Variants in GTF2E2 observed in about 807,000 individuals in gnomAD.
The protein encoded by GTF2E2 is general transcription factor IIE subunit 2.
GTF2E2 carries 21 observed loss-of-function variants against 40.5 expected under a neutral mutation model. The ratio of observed to expected loss-of-function variants is 0.52; its 90% CI spans 0.37 to 0.75. The LOEUF (loss-of-function observed/expected upper bound fraction) is 0.75. Among genes scored for constraint, GTF2E2 ranks in the 30% least tolerant of loss-of-function variants. GTF2E2 has a pLI of 0.00. For synonymous variants in GTF2E2, 117 were observed against 121.6 expected (o/e 0.96, Z 0.25); for missense variants, 298 against 338.4 (o/e 0.88, Z 0.94).
At chr8:30,640,484 T>C (rs1299191998) in intron 2 of GTF2E2, among the ~76,000 whole-genome samples, 1 of 152,014 alleles carries the variant, frequency 6.6e-6, no homozygotes, top group East Asian at 1.9e-4. Flanking sequence ...AAAACACATA[T>C]GCTAAAAAAA....
chr8:30,588,984 T>G (rs1828760670), intron 6 of GTF2E2, among the ~76,000 whole-genome samples: 1 of 152,204 alleles, frequency 6.6e-6, no homozygotes, highest in Non-Finnish European at 1.5e-5. Context: ...CCGGGCACAG[T>G]GGCTCACGCC....
intron 3 of GTF2E2, among the ~76,000 whole-genome samples, chr8:30,631,489 C>T (rs922434291): frequency 1.3e-5 from 2 of 152,074 alleles, no homozygotes; most frequent in Non-Finnish European, 2.9e-5. Flanking sequence ...TATATAAAAG[C>T]TGTATAGAAA....
chr8:30,587,705 T>G (rs1357308548), intron 6 of GTF2E2, among the ~76,000 whole-genome samples: 1 of 151,522 alleles, frequency 6.6e-6, no homozygotes, highest in Non-Finnish European at 1.5e-5. Flanking sequence ...AAACCCCATC[T>G]CTACTAAAAA....
chr8:30,648,532 T>C (rs1802172735), intron 2 of GTF2E2, among the ~76,000 whole-genome samples: 1 of 152,222 alleles, frequency 6.6e-6, no homozygotes, highest in Admixed American at 6.5e-5. Context: ...AGGAAAGCAT[T>C]CACTTCAGAG....
chr8:30,655,269 G>C lies in GTF2E2; in HGVS notation c.-4-1667C>G, dbSNP rs553601068. Among the ~76,000 whole-genome samples, 17 of 151,990 alleles carry C rather than the reference G, an allele frequency of 1.1e-4. 1 individual carries two copies. Among genetic ancestry groups the C allele is most frequent in the African/African-American group, 4.1e-4 (17 of 41,444 alleles). The stretch of plus-strand genomic sequence containing the variant: ...GGTTTGAGGCAACTTCTATGTTGTG[G>C]TTGTTGTTTGTCTAGTTCTAAAATT... On this transcript the variant is annotated intron_variant, in intron 1 of 7. Coordinates refer to ENST00000355904, the MANE Select transcript of GTF2E2 (RefSeq NM_002095.6).
chr8:30,621,868 A>C (rs1801111128), intron 3 of GTF2E2, among the ~76,000 whole-genome samples: 1 of 152,050 alleles, frequency 6.6e-6, no homozygotes, highest in Non-Finnish European at 1.5e-5. Context: ...TACAGAACAA[A>C]AGGTGTGACA....
chr8:30,649,475 A>G (rs1802199875), intron 2 of GTF2E2, among the ~76,000 whole-genome samples: 1 of 152,224 alleles, frequency 6.6e-6, no homozygotes, highest in Non-Finnish European at 1.5e-5. Flanking sequence ...TCTTTGAAAA[A>G]AATCAACAAA....
At chr8:30,631,345 A>G (rs534701397) in intron 3 of GTF2E2, among the ~76,000 whole-genome samples, 1 of 152,318 alleles carries the variant, frequency 6.6e-6, no homozygotes, top group East Asian at 1.9e-4. Flanking sequence ...AATTCTCAAA[A>G]CTCATTCCCT....
chr8:30,645,592 G>T (rs1353105644), intron 2 of GTF2E2: 1 of 1,534,972 alleles, frequency 6.5e-7, no homozygotes, highest in East Asian at 2.4e-5. Context: ...AACTGAAGTG[G>T]TCTAACACTC....
chr8:30,647,184 CTAGGTAT>C (rs1274846940), intron 2 of GTF2E2, among the ~76,000 whole-genome samples: 1 of 151,910 alleles, frequency 6.6e-6, no homozygotes, highest in African/African-American at 2.4e-5. Context: ...AAAAAAAGCA[CTAGGTAT>C]TATAAAAGAC....
chr8:30,613,555 T>C lies in GTF2E2; in HGVS notation c.366+1053A>G, dbSNP rs192074588. On this transcript the variant is annotated intron_variant, in intron 4 of 7. Coordinates refer to ENST00000355904, the MANE Select transcript of GTF2E2 (RefSeq NM_002095.6). Reference sequence around the variant, plus strand: ...TAGAATAGTAAAATGATCAAAGTCATTGTTAACTAAATGTTGGTAGTCTAT... The same window carrying C: ...TAGAATAGTAAAATGATCAAAGTCACTGTTAACTAAATGTTGGTAGTCTAT... Among the ~76,000 whole-genome samples, 21 of 152,326 alleles carry C rather than the reference T, an allele frequency of 1.4e-4. 1 individual carries two copies. In the East Asian group the frequency reaches 4.0e-3, roughly 29 times the overall value.
intron 2 of GTF2E2, among the ~76,000 whole-genome samples, chr8:30,645,029 C>T (rs1051334186): frequency 6.6e-5 from 10 of 152,136 alleles, no homozygotes; most frequent in African/African-American, 2.2e-4. Flanking sequence ...GGATTACAGG[C>T]GTGAGCCACC....
At chr8:30,636,683 T>C (rs1358549695) in intron 2 of GTF2E2, among the ~76,000 whole-genome samples, 1 of 152,112 alleles carries the variant, frequency 6.6e-6, no homozygotes, top group Non-Finnish European at 1.5e-5. Flanking sequence ...CTGGCCAACA[T>C]GGTGAAACCC....
intron 3 of GTF2E2, among the ~76,000 whole-genome samples, chr8:30,616,239 C>A (rs1477119759): frequency 6.6e-6 from 1 of 152,020 alleles, no homozygotes; most frequent in Non-Finnish European, 1.5e-5. Flanking sequence ...AGATCGAGAC[C>A]ATCCTGGCCA....
At chr8:30,610,732 A>G (rs1048324407) in intron 5 of GTF2E2, among the ~76,000 whole-genome samples, 1 of 152,210 alleles carries the variant, frequency 6.6e-6, no homozygotes, top group Non-Finnish European at 1.5e-5. Context: ...AACTCCTAGA[A>G]GAAAACATAG....
chr8:30,599,795 C>T (rs947267127), intron 6 of GTF2E2, among the ~76,000 whole-genome samples: 3 of 151,986 alleles, frequency 2.0e-5, no homozygotes. Flanking sequence ...CCATCCTGGC[C>T]AACACTGTGA....
chr8:30,621,280 GAAT>G (rs2151135708), intron 3 of GTF2E2, among the ~76,000 whole-genome samples: 1 of 151,788 alleles, frequency 6.6e-6, no homozygotes, highest in Non-Finnish European at 1.5e-5. Flanking sequence ...AAAATAAATG[GAAT>G]TATTGGAATC....
At chr8:30,590,834 AT>A (rs1434250897) in intron 6 of GTF2E2, among the ~76,000 whole-genome samples, 1 of 151,856 alleles carries the variant, frequency 6.6e-6, no homozygotes, top group African/African-American at 2.4e-5. Context: ...GGGATTACAG[AT>A]GGGGACCACC....
At chr8:30,594,329 C>A (rs1381484472) in intron 6 of GTF2E2, among the ~76,000 whole-genome samples, 2 of 151,870 alleles carry the variant, frequency 1.3e-5, no homozygotes, top group Non-Finnish European at 2.9e-5. Flanking sequence ...GCGATCTCAG[C>A]TCACTGCAAC....
Sources: gnomAD v4.1 joint callset for allele counts (sites outside exome capture counted in the v4.1 genomes callset) on GRCh38, gnomAD v4.1.1 for gene constraint, MANE v1.5 for transcripts, NCBI Gene and HGNC (gene_info 2026-07-23, HGNC 2026-07-21) for gene names.